The following FOXP1 variants were observed in gnomAD, a reference collection of about 807,000 sequenced individuals.
FOXP1 encodes the protein forkhead box P1.
In FOXP1, 15 loss-of-function variants were observed where a neutral mutation model predicts 98.2. The observed-to-expected ratio is 0.15, with a 90% confidence interval of 0.10 to 0.24. FOXP1 has a LOEUF of 0.24. Among genes scored for constraint, FOXP1 ranks in the 10% least tolerant of loss-of-function variants. The probability of loss-of-function intolerance (pLI) is 1.00; values close to 1 mark genes in which losing one functional copy is unlikely to be tolerated. For synonymous variants in FOXP1, 371 were observed against 314.5 expected (o/e 1.18, Z -1.90); for missense variants, 633 against 848.5 (o/e 0.75, Z 3.15).
At chr3:71,564,102 G>A (rs1020598421) in intron 2 of FOXP1, among the ~76,000 whole-genome samples, 10 of 152,148 alleles carry the variant, frequency 6.6e-5, no homozygotes, top group East Asian at 1.9e-4. Context: ...CAGCAAAACC[G>A]TATTTTAGGA....
At chr3:71,133,082 A>C (rs2107937894) in intron 6 of FOXP1, among the ~76,000 whole-genome samples, 1 of 152,334 alleles carries the variant, frequency 6.6e-6, no homozygotes, top group East Asian at 1.9e-4. Context: ...TTTACAAAAA[A>C]CACAGAAAGG....
intron 3 of FOXP1, among the ~76,000 whole-genome samples, chr3:71,361,711 C>T (rs778678365): frequency 1.3e-5 from 2 of 152,140 alleles, no homozygotes; most frequent in Admixed American, 6.5e-5. Context: ...AGTGAGACGC[C>T]GGTCTGCTTT....
chr3:71,256,801 G>C (rs956605176), intron 5 of FOXP1, among the ~76,000 whole-genome samples: 1 of 152,148 alleles, frequency 6.6e-6, no homozygotes, highest in Non-Finnish European at 1.5e-5. Context: ...CTTAGACTAG[G>C]CCTGTCTGAT....
intron 11 of FOXP1, among the ~76,000 whole-genome samples, chr3:71,029,869 T>C (rs1477102049): frequency 2.0e-5 from 3 of 152,228 alleles, no homozygotes; most frequent in African/African-American, 7.2e-5. Context: ...TCTACAGAGT[T>C]ATTATATAAT....
chr3:71,452,005 T>C lies in FOXP1; in HGVS notation c.-168+41421A>G, dbSNP rs116535407. Among the ~76,000 whole-genome samples, 1,362 of 152,260 alleles carry C rather than the reference T, an allele frequency of 8.9e-3. 15 individuals carry two copies. The highest frequency in any genetic ancestry group is 0.03 in the African/African-American group (1,232 of 41,538). On this transcript the variant is annotated intron_variant, in intron 3 of 20. Transcript: ENST00000649528. ...AGAAAAAGAAACCTGCCTCTCTCAT[T>C]TATGAAGACATGCATCTCCTGTGCA...
intron 2 of FOXP1, among the ~76,000 whole-genome samples, chr3:71,566,426 C>G (rs1031156658): frequency 6.6e-6 from 1 of 152,164 alleles, no homozygotes; most frequent in Non-Finnish European, 1.5e-5. Flanking sequence ...AGACAGACTA[C>G]GTAAACACAT....
chr3:71,465,448 G>T (rs1259855795), intron 3 of FOXP1, among the ~76,000 whole-genome samples: 1 of 152,160 alleles, frequency 6.6e-6, no homozygotes, highest in African/African-American at 2.4e-5. Flanking sequence ...GAGGCACTGG[G>T]TGCTTAAGGA....
chr3:70,978,130 TTCTTCC>T (rs1364766366), intron 14 of FOXP1, 101 bp from the exon 15 acceptor site: 14 of 914,522 alleles, frequency 1.5e-5, no homozygotes, highest in Non-Finnish European at 2.5e-5. Flanking sequence ...TGGGCACCGT[TTCTTCC>T]TCTATGTAGA....
intron 2 of FOXP1, among the ~76,000 whole-genome samples, chr3:71,511,163 T>C (rs1035773585): frequency 6.6e-5 from 10 of 152,222 alleles, no homozygotes; most frequent in Non-Finnish European, 1.0e-4. Flanking sequence ...CAATGAAGTC[T>C]TGAAATGCTT....
intron 7 of FOXP1, among the ~76,000 whole-genome samples, chr3:71,104,993 G>T (rs2057304307): frequency 6.6e-6 from 1 of 152,222 alleles, no homozygotes; most frequent in South Asian, 2.1e-4. Context: ...CTACACAGTT[G>T]TAGAGATGCC....
chr3:71,563,049 G>A (rs927867841), intron 2 of FOXP1, among the ~76,000 whole-genome samples: 3 of 152,142 alleles, frequency 2.0e-5, no homozygotes, highest in African/African-American at 7.2e-5. Flanking sequence ...AGATGAATGA[G>A]GAGCCAGGCT....
chr3:71,398,664 C>T (rs1293152964), intron 3 of FOXP1, among the ~76,000 whole-genome samples: 1 of 152,124 alleles, frequency 6.6e-6, no homozygotes, highest in Non-Finnish European at 1.5e-5. Flanking sequence ...TGTAGAAAAG[C>T]TTTTAACAAC....
At chr3:71,302,509 T>C (rs1006012674) in intron 4 of FOXP1, among the ~76,000 whole-genome samples, 2 of 119,146 alleles carry the variant, frequency 1.7e-5, no homozygotes, top group East Asian at 2.9e-4. Context: ...GCAAAGCTTT[T>C]ATGTAAAAAA....
At chr3:71,383,444 A>G (rs12494939) in intron 3 of FOXP1, among the ~76,000 whole-genome samples, 23,249 of 152,172 alleles carry the variant, frequency 0.15, 1,991 homozygotes, top group South Asian at 0.21. Context: ...GTATCAGAAA[A>G]TAAGTATCAA....
In FOXP1 at chr3:70,976,948, G is replaced by C; in HGVS notation, c.1523C>G (p.Thr508Arg). 6.2e-7 allele frequency: 1 copy of C among 1,612,584 alleles called. No individual in the cohort carries two copies. The highest frequency in any genetic ancestry group is 8.5e-7 in the Non-Finnish European group (1 of 1,178,632). ...AGGCCTGAGAAAGCTTACCTTCCAC[G>C]TGGCCGCGTTGCGTCGGAAGTAAGC... ...MFAYFRRNAA[T>R]WKNAVRHNLS... Residue 508 changes from threonine (T) to arginine (R), a missense_variant, in exon 17 of 21, where the codon ACG (threonine) becomes AGG (arginine). By Grantham distance (71) the Thr-to-Arg change is moderately conservative. Transcript: ENST00000649528.
At chr3:71,032,288 A>T (rs1258846896) in intron 11 of FOXP1, among the ~76,000 whole-genome samples, 4 of 152,272 alleles carry the variant, frequency 2.6e-5, no homozygotes, top group Non-Finnish European at 5.9e-5. Context: ...CTGTCTGTGC[A>T]GTGGCACTGA....
intron 2 of FOXP1, chr3:71,542,047 A>G (rs775929072): frequency 5.6e-6 from 3 of 533,606 alleles, no homozygotes; most frequent in Admixed American, 3.9e-5. Context: ...AAGAAAAGCC[A>G]GGGTCTGTAT....
intron 3 of FOXP1, among the ~76,000 whole-genome samples, chr3:71,409,955 C>T (rs1044530298): frequency 4.6e-5 from 7 of 152,200 alleles, no homozygotes; most frequent in South Asian, 4.1e-4. Context: ...GTCAAGGGTG[C>T]GGTGAGCTGT....
At chr3:71,141,469 CAAT>C (rs2060067357) in intron 6 of FOXP1, among the ~76,000 whole-genome samples, 1 of 152,126 alleles carries the variant, frequency 6.6e-6, no homozygotes, top group Non-Finnish European at 1.5e-5. Flanking sequence ...GCTTTTCAAA[CAAT>C]AAACGCTTAA....
Sources: gnomAD v4.1 joint callset for allele counts (sites outside exome capture counted in the v4.1 genomes callset) on GRCh38, gnomAD v4.1.1 for gene constraint, MANE v1.5 for transcripts, NCBI Gene and HGNC (gene_info 2026-07-23, HGNC 2026-07-21) for gene names.